Variants in CACNA2D3 observed in about 807,000 individuals in gnomAD.
CACNA2D3 encodes calcium voltage-gated channel auxiliary subunit alpha2delta 3.
A neutral mutation model predicts 160.6 loss-of-function variants in CACNA2D3; 60 were observed. That is an observed-to-expected ratio of 0.37 (90% CI 0.30 to 0.46). The LOEUF (loss-of-function observed/expected upper bound fraction) is 0.46, where lower values mean the gene tolerates loss of function less well. CACNA2D3 is among the 20% of genes least tolerant of loss of function. CACNA2D3 has a pLI of 1.00. For missense variants in CACNA2D3, 1,205 were observed against 1,365.0 expected, an observed-to-expected ratio of 0.88 and a Z score of 1.85; for synonymous variants, 558 against 492.9, an observed-to-expected ratio of 1.13 and a Z score of -1.75.
At chr3:54,930,885 A>G (rs977718936) in intron 27 of CACNA2D3, among the ~76,000 whole-genome samples, 4 of 152,118 alleles carry the variant, frequency 2.6e-5, no homozygotes, top group Non-Finnish European at 5.9e-5. Flanking sequence ...TCAGTTGAGG[A>G]CAGGAGTTCG....
At chr3:54,594,161 A>G (rs534029853) in intron 9 of CACNA2D3, among the ~76,000 whole-genome samples, 3 of 152,318 alleles carry the variant, frequency 2.0e-5, no homozygotes, top group Admixed American at 1.3e-4. Flanking sequence ...GTATGAGCCT[A>G]GATAAGATGT....
chr3:54,533,742 A>G (rs949535161), intron 5 of CACNA2D3, among the ~76,000 whole-genome samples: 3 of 151,964 alleles, frequency 2.0e-5, no homozygotes, highest in African/African-American at 7.3e-5. Context: ...TCTTTAGGGA[A>G]GAAGGGTCAT....
chr3:54,959,178 C>T (rs929300205), intron 27 of CACNA2D3, among the ~76,000 whole-genome samples: 3 of 152,174 alleles, frequency 2.0e-5, no homozygotes, highest in Admixed American at 6.5e-5. Flanking sequence ...TATTGAGTCT[C>T]GTGTTCCACA....
chr3:54,374,270 A>C (rs1026417814), intron 3 of CACNA2D3, among the ~76,000 whole-genome samples: 4 of 152,190 alleles, frequency 2.6e-5, no homozygotes, highest in Non-Finnish European at 2.9e-5. Context: ...GTGTGTCTGA[A>C]TGACCAAAGA....
At chr3:54,601,381 G>T (rs547106232) in intron 9 of CACNA2D3, among the ~76,000 whole-genome samples, 12 of 152,032 alleles carry the variant, frequency 7.9e-5, no homozygotes, top group Non-Finnish European at 1.6e-4. Flanking sequence ...GTAATTTTTG[G>T]ATTTTTTATA....
At chr3:54,752,793 C>T (rs1701886878) in intron 12 of CACNA2D3, 116 bp downstream of exon 12, 2 of 669,336 alleles carry the variant, frequency 3.0e-6, no homozygotes, top group Non-Finnish European at 2.6e-6. Flanking sequence ...CTGGGTATAT[C>T]TAAGTGATTA....
At chr3:54,400,754 C>A (rs1269366084) in intron 4 of CACNA2D3, among the ~76,000 whole-genome samples, 2 of 152,098 alleles carry the variant, frequency 1.3e-5, no homozygotes, top group East Asian at 3.9e-4. Context: ...AAGTCTTTCC[C>A]TATAAAAGCC....
At chr3:54,260,257 G>T (rs772308765) in intron 2 of CACNA2D3, among the ~76,000 whole-genome samples, 39 of 152,074 alleles carry the variant, frequency 2.6e-4, no homozygotes, top group Non-Finnish European at 2.8e-4. Flanking sequence ...GGTTTTCAAG[G>T]CCCCAAGGAT....
intron 2 of CACNA2D3, among the ~76,000 whole-genome samples, chr3:54,184,042 C>T (rs1394400531): frequency 6.6e-6 from 1 of 151,626 alleles, no homozygotes; most frequent in Non-Finnish European, 1.5e-5. Context: ...TGGTCTTTTT[C>T]AATGAGACAC....
At chr3:54,858,188 T>G (rs1192201315) in intron 17 of CACNA2D3, among the ~76,000 whole-genome samples, 1 of 152,114 alleles carries the variant, frequency 6.6e-6, no homozygotes. Context: ...TGTAGATTTG[T>G]CTGCACCTCC....
chr3:54,129,971 C>T (rs1699676162), intron 2 of CACNA2D3, among the ~76,000 whole-genome samples: 1 of 152,164 alleles, frequency 6.6e-6, no homozygotes, highest in Non-Finnish European at 1.5e-5. Context: ...GGCAGTAGGA[C>T]AGAACTGAGT....
Position 54,890,495 on chromosome 3 carries a change from C to CAA in CACNA2D3, c.2151-842_2151-841dup, listed in dbSNP as rs34740812. Among the ~76,000 whole-genome samples, 77 of 60,626 alleles carry CAA rather than the reference C, an allele frequency of 1.3e-3. 1 individual carries two copies. Among genetic ancestry groups the CAA allele is most frequent in the Non-Finnish European group, 1.6e-3 (48 of 30,738 alleles). 39.8% of individuals were successfully genotyped at this position (60,626 alleles called of 152,430 possible). ...TGGGTGACAGAGCCAGACTCCGTCT[C>CAA]AAAAAAAAAAAAAAAAAAAGAAAAA... On this transcript the variant is annotated intron_variant, in intron 24 of 37. Transcript: ENST00000474759.
intron 31 of CACNA2D3, among the ~76,000 whole-genome samples, chr3:54,989,903 A>C (rs1021669669): frequency 2.6e-5 from 4 of 152,200 alleles, no homozygotes; most frequent in African/African-American, 9.7e-5. Context: ...CCTTGCAATC[A>C]CACATTTGTG....
chr3:54,257,546 G>A (rs11130408), intron 2 of CACNA2D3, among the ~76,000 whole-genome samples: 25,146 of 151,902 alleles, frequency 0.17, 2,355 homozygotes, highest in Middle Eastern at 0.23. Context: ...TGTTCCTGCC[G>A]TTGTTGTTTT....
At chr3:54,138,781 A>G (rs1048013244) in intron 2 of CACNA2D3, among the ~76,000 whole-genome samples, 4 of 152,252 alleles carry the variant, frequency 2.6e-5, no homozygotes, top group Non-Finnish European at 5.9e-5. Context: ...TGGAAGAGCC[A>G]GGTGAAGGAC....
intron 14 of CACNA2D3, among the ~76,000 whole-genome samples, chr3:54,822,646 G>A (rs1287094782): frequency 6.6e-6 from 1 of 152,164 alleles, no homozygotes; most frequent in African/African-American, 2.4e-5. Context: ...CAGCATATAG[G>A]CACTCCAGCC....
intron 11 of CACNA2D3, among the ~76,000 whole-genome samples, chr3:54,701,036 A>G (rs1486347269): frequency 1.3e-5 from 2 of 152,232 alleles, no homozygotes; most frequent in Admixed American, 1.3e-4. Flanking sequence ...TTCTAAATTT[A>G]AATGGAACTG....
At chr3:54,536,111 A>G (rs1317330442) in intron 5 of CACNA2D3, among the ~76,000 whole-genome samples, 1 of 152,238 alleles carries the variant, frequency 6.6e-6, no homozygotes, top group East Asian at 1.9e-4. Flanking sequence ...ACCCTAAAGC[A>G]GCAAAAAGTT....
At chr3:54,981,297 C>T (rs1702501917) in intron 29 of CACNA2D3, among the ~76,000 whole-genome samples, 1 of 152,044 alleles carries the variant, frequency 6.6e-6, no homozygotes, top group South Asian at 2.1e-4. Flanking sequence ...TCTTAGAGTA[C>T]CCCTCTTTTA....
Sources: allele counts gnomAD v4.1 joint callset (sites outside exome capture counted in the v4.1 genomes callset), GRCh38; gene constraint gnomAD v4.1.1; transcripts MANE v1.5; gene names NCBI Gene and HGNC (gene_info 2026-07-23, HGNC 2026-07-21).